DDAH1: variants seen among roughly 807,000 people sequenced by gnomAD.
The protein encoded by DDAH1 is dimethylarginine dimethylaminohydrolase 1, also known as N(G),N(G)-dimethylarginine dimethylaminohydrolase 1.
DDAH1 carries 19 observed loss-of-function variants against 28.8 expected under a neutral mutation model. The observed-to-expected ratio is 0.66, with a 90% confidence interval of 0.46 to 0.97. DDAH1 has a LOEUF of 0.97. Ranked by LOEUF, DDAH1 falls within the 50% of genes least tolerant of loss-of-function variation. DDAH1 has a pLI of 0.00. For missense variants in DDAH1, 326 were observed against 375.9 expected (o/e 0.87, Z 1.10); for synonymous variants, 153 against 154.4 (o/e 0.99, Z 0.07).
intron 1 of DDAH1, chr1:85,399,570 A>G (rs1651973219): frequency 6.6e-6 from 1 of 152,272 alleles, no homozygotes; most frequent in Non-Finnish European, 1.5e-5. Context: ...AAAAATCAAA[A>G]TGGAGTTATC....
intron 1 of DDAH1, among the ~76,000 whole-genome samples, chr1:85,437,504 C>T (rs1375329166): frequency 6.6e-6 from 1 of 152,128 alleles, no homozygotes. Context: ...TCCACTTCCA[C>T]TTAATGAACA....
chr1:85,500,119 TTTC>T (rs764818487), intron 1 of DDAH1, among the ~76,000 whole-genome samples: 4 of 4,962 alleles, frequency 8.1e-4, no homozygotes, highest in East Asian at 0.031. Context: ...TTTTCTTTTC[TTTC>T]TTTCTTTCTT....
chr1:85,505,302 A>C (rs2100744312), intron 1 of DDAH1, among the ~76,000 whole-genome samples: 1 of 152,228 alleles, frequency 6.6e-6, no homozygotes, highest in Admixed American at 6.5e-5. Flanking sequence ...TTCTTATTAT[A>C]TGTCTTACAC....
chr1:85,428,171 G>A (rs1484990289), intron 1 of DDAH1, among the ~76,000 whole-genome samples: 1 of 152,140 alleles, frequency 6.6e-6, no homozygotes, highest in Non-Finnish European at 1.5e-5. Flanking sequence ...AGACTCAGAA[G>A]AAGGATATTA....
chr1:85,340,086 G>A (rs1648379912), intron 4 of DDAH1, among the ~76,000 whole-genome samples: 1 of 152,128 alleles, frequency 6.6e-6, no homozygotes, highest in South Asian at 2.1e-4. Flanking sequence ...TTGAGAGAGA[G>A]TAACAGATGA....
intron 1 of DDAH1, among the ~76,000 whole-genome samples, chr1:85,463,400 T>C (rs1384302998): frequency 2.0e-5 from 3 of 152,268 alleles, no homozygotes; most frequent in Non-Finnish European, 4.4e-5. Flanking sequence ...GTTCAAACCA[T>C]AGCTCTGCCA....
chr1:85,442,822 G>C, intron 1 of DDAH1, among the ~76,000 whole-genome samples: 1 of 152,176 alleles, frequency 6.6e-6, no homozygotes, highest in Non-Finnish European at 1.5e-5. Flanking sequence ...CTGCATAAAT[G>C]TCTTCTTTTG....
At chr1:85,436,705 T>A (rs889928907) in intron 1 of DDAH1, among the ~76,000 whole-genome samples, 1 of 151,680 alleles carries the variant, frequency 6.6e-6, no homozygotes, top group Non-Finnish European at 1.5e-5. Flanking sequence ...TGAGAAGAGG[T>A]GTGAAGTGGG....
chr1:85,561,661 T>G (rs1659144316), intron 1 of DDAH1, among the ~76,000 whole-genome samples: 1 of 152,164 alleles, frequency 6.6e-6, no homozygotes, highest in Non-Finnish European at 1.5e-5. Context: ...ACATTTAAAA[T>G]TAAAGTCACG....
chr1:85,478,080 A>G (rs1380204652), intron 2 of DDAH1, among the ~76,000 whole-genome samples: 1 of 152,190 alleles, frequency 6.6e-6, no homozygotes, highest in Non-Finnish European at 1.5e-5. Context: ...TATAGGGAAA[A>G]AAGGGAAAGG....
intron 1 of DDAH1, among the ~76,000 whole-genome samples, chr1:85,507,156 T>A (rs1374522440): frequency 6.6e-6 from 1 of 151,588 alleles, no homozygotes; most frequent in East Asian, 1.9e-4. Context: ...GTGTATATAT[T>A]TTGAAAGTTG....
chr1:85,344,910 T>C (rs148295141), intron 4 of DDAH1, among the ~76,000 whole-genome samples: 2 of 152,280 alleles, frequency 1.3e-5, no homozygotes, highest in East Asian at 3.9e-4. Flanking sequence ...ACAGTCATCA[T>C]GTAGAATGGT....
intron 4 of DDAH1, among the ~76,000 whole-genome samples, chr1:85,343,083 T>C (rs1360427958): frequency 2.0e-5 from 3 of 152,182 alleles, no homozygotes; most frequent in Non-Finnish European, 4.4e-5. Flanking sequence ...CAATATCCTA[T>C]AGAGTCAGTT....
intron 1 of DDAH1, among the ~76,000 whole-genome samples, chr1:85,414,573 A>T (rs770919102): frequency 3.3e-5 from 5 of 152,200 alleles, no homozygotes; most frequent in Non-Finnish European, 7.3e-5. Context: ...TCTGAAAAAG[A>T]GAAACAACTC....
intron 3 of DDAH1, 84 bp from the exon 4 acceptor site, chr1:85,350,618 C>T: frequency 6.9e-7 from 1 of 1,446,544 alleles, no homozygotes; most frequent in Non-Finnish European, 9.3e-7. Flanking sequence ...AATACACCTA[C>T]TTCTTGAAGG....
At chr1:85,577,597 C>T in intron 1 of DDAH1, among the ~76,000 whole-genome samples, 1 of 152,256 alleles carries the variant, frequency 6.6e-6, no homozygotes, top group East Asian at 1.9e-4. Flanking sequence ...TGTAACTAAT[C>T]AGAAACTCTG....
chr1:85,545,762 A>G (rs1242775815), intron 1 of DDAH1, among the ~76,000 whole-genome samples: 1 of 152,110 alleles, frequency 6.6e-6, no homozygotes, highest in Non-Finnish European at 1.5e-5. Flanking sequence ...AATGGTGGAG[A>G]AGGTGGGAGG....
At chr1:85,539,341 C>T (rs1482278288) in intron 1 of DDAH1, among the ~76,000 whole-genome samples, 1 of 152,032 alleles carries the variant, frequency 6.6e-6, no homozygotes, top group Non-Finnish European at 1.5e-5. Context: ...GAGATGGGGT[C>T]TCACCATGTT....
At chr1:85,440,894 A>G (rs1357129743) in intron 1 of DDAH1, among the ~76,000 whole-genome samples, 1 of 148,892 alleles carries the variant, frequency 6.7e-6, no homozygotes, top group African/African-American at 2.4e-5. Flanking sequence ...TTTGAAGCCA[A>G]CAAAAAGCAG....
Sources: gnomAD v4.1 joint callset for allele counts (sites outside exome capture counted in the v4.1 genomes callset) on GRCh38, gnomAD v4.1.1 for gene constraint, MANE v1.5 for transcripts, NCBI Gene and HGNC (gene_info 2026-07-23, HGNC 2026-07-21) for gene names.